Variants in PAX7 observed in about 807,000 individuals in gnomAD.
PAX7 encodes the protein paired box protein Pax-7.
A neutral mutation model predicts 50.7 loss-of-function variants in PAX7; 18 were observed. The observed-to-expected ratio is 0.36, with a 90% confidence interval of 0.25 to 0.53. The LOEUF (loss-of-function observed/expected upper bound fraction) is 0.53, where lower values mean the gene tolerates loss of function less well. Ranked by LOEUF, PAX7 falls within the 20% of genes least tolerant of loss-of-function variation. The probability of loss-of-function intolerance (pLI) is 0.93; values close to 1 mark genes in which losing one functional copy is unlikely to be tolerated. For synonymous variants in PAX7, 310 were observed against 290.4 expected, an observed-to-expected ratio of 1.07 and a Z score of -0.69; for missense variants, 644 against 702.9, an observed-to-expected ratio of 0.92 and a Z score of 0.95.
Position 18,636,400 on chromosome 1 carries a change from C to G in PAX7, c.586+29C>G. 6.2e-7 allele frequency: 1 copy of G among 1,606,092 alleles called. No homozygotes were observed. The highest frequency in any genetic ancestry group is 8.5e-7 in the Non-Finnish European group (1 of 1,174,820). On this transcript the variant is annotated intron_variant, in intron 4 of 8. Coordinates refer to ENST00000420770, the MANE Select transcript of PAX7 (RefSeq NM_001135254.2). The surrounding 1 kb of genome is among the most constrained non-coding windows in gnomAD (Gnocchi z 5.1). ...GGGAACTTCCCTGGGCTGCGAGGCC[C>G]CAGCCCGGGTTTTCCCACGCTCCGG... is the stretch of plus-strand genomic sequence containing the variant.
intron 4 of PAX7, among the ~76,000 whole-genome samples, chr1:18,681,366 A>G (rs1274257747): frequency 1.3e-5 from 2 of 151,960 alleles, no homozygotes; most frequent in Non-Finnish European, 2.9e-5. Context: ...GGTCCTCATG[A>G]TATCTTCAAC....
At position 18,658,411 on chromosome 1, in the gene PAX7, C is replaced by T. The variant is rs140296619; in HGVS notation, c.586+22040C>T. On this transcript the variant is annotated intron_variant, in intron 4 of 8. Transcript: ENST00000420770. Reference sequence around the variant, plus strand: ...ATGCTTATAATAATCACCCCGTTTCCGAACACTTACTGTGTAGCAGGGGCT... The same window carrying T: ...ATGCTTATAATAATCACCCCGTTTCTGAACACTTACTGTGTAGCAGGGGCT... 2.0e-3 allele frequency among the ~76,000 whole-genome samples: 303 copies of T among 152,296 alleles called. 2 individuals are homozygous for T. Among genetic ancestry groups the T allele is most frequent in the African/African-American group, 6.9e-3 (287 of 41,550 alleles).
At chr1:18,723,415 G>A (rs528045941) in intron 7 of PAX7, among the ~76,000 whole-genome samples, 2 of 152,340 alleles carry the variant, frequency 1.3e-5, no homozygotes, top group East Asian at 3.9e-4. Flanking sequence ...GCTTTCCATG[G>A]CACATGAAGG....
intron 4 of PAX7, among the ~76,000 whole-genome samples, chr1:18,684,878 C>T (rs2088952871): frequency 6.6e-6 from 1 of 152,064 alleles, no homozygotes; most frequent in African/African-American, 2.4e-5. Flanking sequence ...GAGAAGGACC[C>T]CAAACCTCAG....
chr1:18,640,938 C>A (rs975432650), intron 4 of PAX7, among the ~76,000 whole-genome samples: 2 of 152,070 alleles, frequency 1.3e-5, no homozygotes, highest in African/African-American at 4.8e-5. Context: ...CGGCGAGGGG[C>A]CGAGCCCACA....
At chr1:18,646,272 T>C (rs1347550926) in intron 4 of PAX7, among the ~76,000 whole-genome samples, 2 of 138,384 alleles carry the variant, frequency 1.4e-5, no homozygotes, top group Admixed American at 1.4e-4. Context: ...TCAAATTAGG[T>C]TCTGGTTGGG....
chr1:18,726,336 C>A lies in PAX7; in HGVS notation c.1156-9296C>A, dbSNP rs910747791. ...GGGTTGGAGGATGTTTGCAATATGT[C>A]CCCTCAATTTATTCTTTTCCTCCAA... is the stretch of plus-strand genomic sequence containing the variant. On this transcript the variant is annotated intron_variant, in intron 7 of 8. Coordinates refer to ENST00000420770, the MANE Select transcript of PAX7 (RefSeq NM_001135254.2). The surrounding 1 kb of genome is among the most constrained non-coding windows in gnomAD (Gnocchi z 4.8). Among the ~76,000 whole-genome samples the A allele has an allele frequency of 3.4e-4, 51 of 152,200 alleles. No homozygotes were observed. Among genetic ancestry groups the A allele is most frequent in the African/African-American group, 1.1e-3 (47 of 41,444 alleles).
chr1:18,664,784 G>A (rs561904101), intron 4 of PAX7, among the ~76,000 whole-genome samples: 1 of 152,170 alleles, frequency 6.6e-6, no homozygotes, highest in Middle Eastern at 3.4e-3. Context: ...GCTCCCTGTT[G>A]TAATGCTCAT....
At chr1:18,683,148 C>T (rs1054616645) in intron 4 of PAX7, among the ~76,000 whole-genome samples, 2 of 152,148 alleles carry the variant, frequency 1.3e-5, no homozygotes, top group African/African-American at 4.8e-5. Flanking sequence ...CCCCTGCACC[C>T]CCAGAGTAGG....
chr1:18,654,378 G>A (rs2088480711), intron 4 of PAX7, among the ~76,000 whole-genome samples: 3 of 152,242 alleles, frequency 2.0e-5, no homozygotes, highest in Admixed American at 2.0e-4. Context: ...ATAATCACAG[G>A]TGGGAGAGCG....
intron 4 of PAX7, among the ~76,000 whole-genome samples, chr1:18,656,784 C>T (rs1411295452): frequency 6.6e-6 from 1 of 151,968 alleles, no homozygotes; most frequent in Non-Finnish European, 1.5e-5. Flanking sequence ...TGCATGAGCC[C>T]AGGAGTTAGA....
chr1:18,657,721 TC>T (rs372684511), intron 4 of PAX7, among the ~76,000 whole-genome samples: 84 of 152,252 alleles, frequency 5.5e-4, no homozygotes, highest in African/African-American at 2.0e-3. Context: ...GGTGGTGTGT[TC>T]TTTTTCCCTT....
intron 4 of PAX7, among the ~76,000 whole-genome samples, chr1:18,657,376 C>T (rs1381510288): frequency 6.6e-6 from 1 of 151,774 alleles, no homozygotes. Context: ...GGAGGAAAAA[C>T]TGGCCCCATC....
intron 4 of PAX7, among the ~76,000 whole-genome samples, chr1:18,644,080 A>T (rs1372418695): frequency 6.6e-6 from 1 of 152,230 alleles, no homozygotes; most frequent in Non-Finnish European, 1.5e-5. Flanking sequence ...CGCTCCGGCC[A>T]CTTTCCCCTC....
intron 4 of PAX7, among the ~76,000 whole-genome samples, chr1:18,666,650 G>C (rs1321293608): frequency 1.3e-5 from 2 of 152,156 alleles, no homozygotes; most frequent in African/African-American, 2.4e-5. Flanking sequence ...GGGCCTGGAG[G>C]GTGACTGAGG....
chr1:18,663,168 C>T (rs1016831542), intron 4 of PAX7, among the ~76,000 whole-genome samples: 71 of 152,284 alleles, frequency 4.7e-4, no homozygotes, highest in African/African-American at 1.6e-3. Flanking sequence ...GGTTCCTTCT[C>T]GACACCTCGC....
chr1:18,715,519 A>T (rs1453394909), intron 7 of PAX7, among the ~76,000 whole-genome samples: 2 of 152,128 alleles, frequency 1.3e-5, no homozygotes, highest in African/African-American at 2.4e-5. Flanking sequence ...AGATATAGGG[A>T]CAGAGGCATG....
chr1:18,683,802 C>A (rs1417760726), intron 4 of PAX7, among the ~76,000 whole-genome samples: 1 of 152,050 alleles, frequency 6.6e-6, no homozygotes, highest in Non-Finnish European at 1.5e-5. Context: ...ATCAAGCCAC[C>A]GCACTCAAGT....
At chr1:18,694,157 G>A (rs920211261) in intron 5 of PAX7, among the ~76,000 whole-genome samples, 1 of 152,148 alleles carries the variant, frequency 6.6e-6, no homozygotes, top group Non-Finnish European at 1.5e-5. Flanking sequence ...AACAAAAAAC[G>A]TTTGAGTTTT....
Sources: allele counts gnomAD v4.1 joint callset (sites outside exome capture counted in the v4.1 genomes callset), GRCh38; gene constraint gnomAD v4.1.1; non-coding constraint Gnocchi (gnomAD v3.1); transcripts MANE v1.5; gene names NCBI Gene and HGNC (gene_info 2026-07-23, HGNC 2026-07-21).